CRAMP1: variants seen among roughly 807,000 people sequenced by gnomAD.
CRAMP1 encodes protein cramped-like.
A neutral mutation model predicts 115.4 loss-of-function variants in CRAMP1; 50 were observed. That is an observed-to-expected ratio of 0.43 (90% confidence interval 0.35 to 0.55). CRAMP1 has a LOEUF of 0.55. CRAMP1 is among the 20% of genes least tolerant of loss of function. CRAMP1 has a pLI of 0.01. For synonymous variants in CRAMP1, 866 were observed against 745.4 expected (o/e 1.16, Z -2.64); for missense variants, 1,679 against 1,721.7 (o/e 0.98, Z 0.44).
Position 1,656,629 on chromosome 16 carries a change from G to T in CRAMP1, c.1872G>T (p.Leu624=). The part of the protein sequence containing the change: ...GPSPRPGPGL[L]LDVCTKDLAD... Reference sequence around the variant, plus strand: ...CCCCGAGGCCCGGCCCCGGGCTCCTGCTGGATGTTTGCACTAAAGACTTGG... The same window carrying T: ...CCCCGAGGCCCGGCCCCGGGCTCCTTCTGGATGTTTGCACTAAAGACTTGG... The change falls in exon 10 of 21, where the codon CTG becomes CTT. Residue 624 remains leucine, a synonymous_variant. Transcript: ENST00000397412. This position sits in a 1 kb window ranked among gnomAD's most constrained non-coding sequence, Gnocchi z 5.6. 6.3e-7 allele frequency: 1 copy of T among 1,577,614 alleles called. No individual in the cohort carries two copies. The highest frequency in any genetic ancestry group is 1.8e-5 in the Admixed American group (1 of 54,746).
rs1236032087 is a variant in CRAMP1 at position 1,676,392 on chromosome 16, C to T, written c.*2347C>T. The T allele has an allele frequency of 6.6e-6, 1 of 152,228 alleles. No homozygotes were observed. Among genetic ancestry groups the T allele is most frequent in the Admixed American group, 6.5e-5 (1 of 15,288 alleles). 9.4% of individuals were successfully genotyped at this position (152,228 alleles called of 1,614,324 possible). On this transcript the variant is annotated 3_prime_UTR_variant, in exon 21 of 21. Coordinates refer to ENST00000397412, the MANE Select transcript of CRAMP1 (RefSeq NM_020825.4). ...AGACAGGTGATACGCATTTGCTTGC[C>T]ACATTAAGGGAAAATGGTGTCATTT...
rs2036693622 is a variant in CRAMP1 at position 1,648,299 on chromosome 16, TGGA to T, written c.828-4192_828-4190del. Among the ~76,000 whole-genome samples the T allele has an allele frequency of 2.0e-5, 3 of 152,222 alleles. No homozygotes were observed. The South Asian group carries it at 6.2e-4, about 32-fold the overall frequency. On this transcript the variant is annotated intron_variant, in intron 6 of 20. Coordinates refer to ENST00000397412, the MANE Select transcript of CRAMP1 (RefSeq NM_020825.4). ...TCCATTTGTTTCCAGAGCACTTCAT[TGGA>T]GGAGATTATTTTAGAATTGACTTGA...
intron 2 of CRAMP1, chr16:1,620,660 GCT>G (rs1360392072): frequency 4.4e-6 from 2 of 457,022 alleles, no homozygotes; most frequent in Admixed American, 2.3e-5. Flanking sequence ...CAAAGGCCCA[GCT>G]CTGGCTGTCT....
Position 1,659,910 on chromosome 16 carries a change from A to G in CRAMP1, c.2260A>G (p.Thr754Ala), listed in dbSNP as rs1390287107. ...KLALEANTIS[T>A]ASVRPAQEEQ... ...GGCTCTGGAAGCAAACACCATCTCT[A>G]CAGCCTCAGTAAGGCCCGCCCAGGA... Residue 754 changes from threonine (T) to alanine (A), a missense_variant, in exon 11 of 21, where the codon ACA (threonine) becomes GCA (alanine). Thr to Ala is a moderately conservative substitution (Grantham distance 58). Coordinates refer to ENST00000397412, the MANE Select transcript of CRAMP1 (RefSeq NM_020825.4). The G allele has an allele frequency of 4.3e-6, 7 of 1,613,140 alleles. No homozygotes were observed. In the South Asian group the frequency reaches 5.5e-5, roughly 13 times the overall value.
At chr16:1,655,175 C>T in intron 8 of CRAMP1, 44 bp from the exon 9 acceptor site, 1 of 1,523,958 alleles carries the variant, frequency 6.6e-7, no homozygotes, top group South Asian at 1.1e-5. Flanking sequence ...TGGTTTCCTT[C>T]CTGTTCTGCG....
At position 1,612,517 on chromosome 16, in the gene CRAMP1, T is replaced by C. The variant is rs2036358678; in HGVS notation, c.-142T>C. 6.6e-6 allele frequency: 1 copy of C among 151,744 alleles called. No homozygotes were observed. Among genetic ancestry groups the C allele is most frequent in the South Asian group, 2.1e-4 (1 of 4,838 alleles). The allele number at this position is 151,744 out of a possible 1,614,324, so 9.4% of individuals were successfully genotyped here. A position where few individuals can be genotyped will look rare whatever the true frequency, so the allele number is the denominator to read the frequency against. On this transcript the variant is annotated 5_prime_UTR_variant, in exon 1 of 21. Coordinates refer to ENST00000397412, the MANE Select transcript of CRAMP1 (RefSeq NM_020825.4). Reference sequence around the variant, plus strand: ...GGGCTAGCGCCGCTCGACCAGTCGCTTCCGAGGCGGACGACCAGCCCGGCG... The same window carrying C: ...GGGCTAGCGCCGCTCGACCAGTCGCCTCCGAGGCGGACGACCAGCCCGGCG...
At position 1,670,611 on chromosome 16, in the gene CRAMP1, T is replaced by C. The variant is rs530969966; in HGVS notation, c.3500-53T>C. On this transcript the variant is annotated intron_variant, in intron 19 of 20. Transcript: ENST00000397412. ...CAGCCTCAGGACCCTTCCGCTGGAC[T>C]GGTCCAGACCAAGCAGGGTTCAGGG... is the stretch of plus-strand genomic sequence containing the variant. 3.1e-6 allele frequency: 5 copies of C among 1,594,692 alleles called. No individual in the cohort carries two copies. The East Asian group carries it at 1.1e-4, about 36-fold the overall frequency.
chr16:1,664,056 G>A (rs1054551656), intron 13 of CRAMP1, among the ~76,000 whole-genome samples: 1 of 152,196 alleles, frequency 6.6e-6, no homozygotes, highest in Non-Finnish European at 1.5e-5. Flanking sequence ...GCTGTCCCTA[G>A]TAGTGCCTCC....
rs1019758101 is a variant in CRAMP1 at position 1,670,405 on chromosome 16, G to A, written c.3500-259G>A. The A allele has an allele frequency of 1.8e-5, 8 of 446,572 alleles. 1 individual carries two copies. The highest frequency in any genetic ancestry group is 1.2e-4 in the Admixed American group (3 of 25,936). 27.7% of individuals were successfully genotyped at this position (446,572 alleles called of 1,614,324 possible). A position where few individuals can be genotyped will look rare whatever the true frequency, so the allele number is the denominator to read the frequency against. On this transcript the variant is annotated intron_variant, in intron 19 of 20. Transcript: ENST00000397412. ...GCGAGGGTGGGAGACCGTGATGGGG[G>A]TGGGGGATGGCAGTGAGGGTGGGAG... is the stretch of plus-strand genomic sequence containing the variant.
intron 3 of CRAMP1, among the ~76,000 whole-genome samples, chr16:1,627,828 T>G (rs552395693): frequency 1.3e-5 from 2 of 152,222 alleles, no homozygotes; most frequent in African/African-American, 4.8e-5. Context: ...TTAAGCTGTT[T>G]GTTGGTCTTG....
intron 2 of CRAMP1, among the ~76,000 whole-genome samples, chr16:1,617,317 CTG>C (rs1180127763): frequency 6.6e-6 from 1 of 152,214 alleles, no homozygotes; most frequent in Non-Finnish European, 1.5e-5. Context: ...AGGCACTTCA[CTG>C]TGCCCAGGAC....
intron 4 of CRAMP1, among the ~76,000 whole-genome samples, chr16:1,633,357 C>T (rs2036561582): frequency 6.6e-6 from 1 of 152,234 alleles, no homozygotes; most frequent in South Asian, 2.1e-4. Context: ...CTAGCTTCTC[C>T]ACTGAAGAAC....
At chr16:1,628,443 C>T (rs537395450) in intron 3 of CRAMP1, among the ~76,000 whole-genome samples, 13 of 152,254 alleles carry the variant, frequency 8.5e-5, no homozygotes, top group African/African-American at 2.9e-4. Context: ...TATTACAGAC[C>T]GAGTTTCGCC....
intron 4 of CRAMP1, among the ~76,000 whole-genome samples, chr16:1,633,006 C>T (rs1055262181): frequency 1.3e-5 from 2 of 152,202 alleles, no homozygotes; most frequent in African/African-American, 2.4e-5. Context: ...CTGTGCTGGG[C>T]CCTGCTCTTC....
chr16:1,642,246 C>G (rs2036638607), intron 6 of CRAMP1, among the ~76,000 whole-genome samples: 1 of 152,230 alleles, frequency 6.6e-6, no homozygotes, highest in South Asian at 2.1e-4. Context: ...CCCCTTGGCC[C>G]TTCTCCCCCA....
rs777431687 is a variant in CRAMP1, at chr16:1,659,990, C to G, written c.2340C>G (p.Pro780=). Residue 780 remains proline, a synonymous_variant, in exon 11 of 21, where the codon CCC becomes CCG. Coordinates refer to ENST00000397412, the MANE Select transcript of CRAMP1 (RefSeq NM_020825.4). ...GKVVTVSSRS[P]RCPRNQASLR... ...TGGTGACCGTCAGCTCTCGCAGCCCCCGCTGCCCTCGGAACCAGGCCTCCC... is the reference window on the plus strand; with the variant it reads ...TGGTGACCGTCAGCTCTCGCAGCCCGCGCTGCCCTCGGAACCAGGCCTCCC... 23 of 1,606,062 alleles carry G rather than the reference C, an allele frequency of 1.4e-5. 1 individual carries two copies. In the South Asian group the frequency reaches 2.5e-4, roughly 18 times the overall value.
chr16:1,613,633 A>G (rs542477403), intron 1 of CRAMP1, among the ~76,000 whole-genome samples: 1 of 152,222 alleles, frequency 6.6e-6, no homozygotes, highest in Non-Finnish European at 1.5e-5. Context: ...TCTGGGCTGC[A>G]GCATTTTTAG....
At position 1,625,155 on chromosome 16, in the gene CRAMP1, C is replaced by T. The variant is rs140606680; in HGVS notation, c.347-818C>T. On this transcript the variant is annotated intron_variant, in intron 2 of 20. Coordinates refer to ENST00000397412, the MANE Select transcript of CRAMP1 (RefSeq NM_020825.4). ...ATGCTGACAGTTCCCGCTCCCTCTG[C>T]GAGGAGGAACTGAAATGGGTGGGAG... 2.7e-3 allele frequency among the ~76,000 whole-genome samples: 405 copies of T among 152,174 alleles called. 2 individuals carry two copies. Among genetic ancestry groups the T allele is most frequent in the African/African-American group, 8.1e-3 (336 of 41,506 alleles).
chr16:1,630,253 A>G (rs1203122421), intron 3 of CRAMP1, among the ~76,000 whole-genome samples: 1 of 151,974 alleles, frequency 6.6e-6, no homozygotes, highest in Non-Finnish European at 1.5e-5. Flanking sequence ...GGCTCAAGTG[A>G]CGATCCTCCT....
Sources: gnomAD v4.1 joint callset for allele counts (sites outside exome capture counted in the v4.1 genomes callset) on GRCh38, gnomAD v4.1.1 for gene constraint, Gnocchi (gnomAD v3.1) non-coding constraint, MANE v1.5 for transcripts, NCBI Gene and HGNC (gene_info 2026-07-23, HGNC 2026-07-21) for gene names.